NLN: variants seen among roughly 807,000 people sequenced by gnomAD.
The protein encoded by NLN is neurolysin, mitochondrial.
Under a neutral mutation model 79.9 loss-of-function variants are expected in NLN, and 64 were observed. The observed-to-expected ratio is 0.80, with a 90% confidence interval of 0.65 to 0.99. The LOEUF is 0.99. Among genes scored for constraint, NLN ranks in the 50% least tolerant of loss-of-function variants. NLN has a pLI of 0.00. For missense variants in NLN, 835 were observed against 858.7 expected, an observed-to-expected ratio of 0.97 and a Z score of 0.34; for synonymous variants, 267 against 296.6, an observed-to-expected ratio of 0.90 and a Z score of 1.02.
chr5:65,801,748 T>C (rs1188893616), intron 9 of NLN, among the ~76,000 whole-genome samples: 4 of 152,264 alleles, frequency 2.6e-5, no homozygotes, highest in African/African-American at 9.6e-5. Flanking sequence ...TCTTCTCTAC[T>C]CTGCATGACA....
At chr5:65,781,705 G>A (rs929926714) in intron 6 of NLN, among the ~76,000 whole-genome samples, 19 of 152,254 alleles carry the variant, frequency 1.2e-4, no homozygotes, top group African/African-American at 4.3e-4. Flanking sequence ...GGTAAGTCCT[G>A]CTTTAATATG....
rs559293920 is a variant in NLN, at chr5:65,765,317, A to C, written c.450+2209A>C. Among the ~76,000 whole-genome samples the C allele has an allele frequency of 1.1e-3, 165 of 152,338 alleles. 1 individual carries two copies. The highest frequency in any genetic ancestry group is 3.3e-3 in the African/African-American group (139 of 41,584). The stretch of plus-strand genomic sequence containing the variant: ...TGGATCACGGGAGGTCAGAAGTTCA[A>C]GACCAGCCTGGTCAACATGGTGAAA... On this transcript the variant is annotated intron_variant, in intron 3 of 12. Coordinates refer to ENST00000380985, the MANE Select transcript of NLN (RefSeq NM_020726.5).
chr5:65,726,361 T>A (rs1758471534), intron 1 of NLN, among the ~76,000 whole-genome samples: 2 of 152,224 alleles, frequency 1.3e-5, no homozygotes, highest in African/African-American at 4.8e-5. Context: ...ATTTTTAGCC[T>A]GAGTGCATGG....
intron 1 of NLN, among the ~76,000 whole-genome samples, chr5:65,752,750 G>A (rs1291755268): frequency 1.3e-5 from 2 of 152,210 alleles, no homozygotes; most frequent in African/African-American, 4.8e-5. Flanking sequence ...AATGCAGAAA[G>A]AAAGTACTCA....
intron 9 of NLN, among the ~76,000 whole-genome samples, chr5:65,806,382 T>C (rs1760410955): frequency 6.6e-6 from 1 of 152,234 alleles, no homozygotes; most frequent in Admixed American, 6.5e-5. Flanking sequence ...AGAACATGCA[T>C]GATTCATGGG....
At chr5:65,794,326 C>T (rs1760126178) in intron 9 of NLN, among the ~76,000 whole-genome samples, 1 of 152,106 alleles carries the variant, frequency 6.6e-6, no homozygotes, top group African/African-American at 2.4e-5. Flanking sequence ...AAATGCTTCG[C>T]AAGGCTAGGC....
At chr5:65,759,285 C>T (rs569113690) in intron 2 of NLN, among the ~76,000 whole-genome samples, 8 of 152,062 alleles carry the variant, frequency 5.3e-5, no homozygotes, top group African/African-American at 1.7e-4. Context: ...GGATTACAAG[C>T]AGTATTTAAT....
At chr5:65,731,749 T>TTC (rs1758614473) in intron 1 of NLN, among the ~76,000 whole-genome samples, 1 of 108,184 alleles carries the variant, frequency 9.2e-6, no homozygotes, top group Non-Finnish European at 2.0e-5. Flanking sequence ...TTTCTTTTTT[T>TTC]TTTTTTTTTT....
chr5:65,773,127 A>ATTTTTTTTTTTTT lies in NLN; in HGVS notation c.451-4292_451-4280dup, dbSNP rs757202934. On this transcript the variant is annotated intron_variant, in intron 3 of 12. Coordinates refer to ENST00000380985, the MANE Select transcript of NLN (RefSeq NM_020726.5). ...GCCACCACACCCAGCCCTGAATTCT[A>ATTTTTTTTTTTTT]TTTTTTTTTTTTTTTTTTTTCTGCA... Among the ~76,000 whole-genome samples the ATTTTTTTTTTTTT allele has an allele frequency of 2.1e-5, 2 of 96,610 alleles. 1 individual carries two copies. Among genetic ancestry groups the ATTTTTTTTTTTTT allele is most frequent in the African/African-American group, 8.4e-5 (2 of 23,688 alleles). 63.4% of individuals were successfully genotyped at this position (96,610 alleles called of 152,430 possible).
chr5:65,752,904 A>C (rs931509204), intron 1 of NLN, among the ~76,000 whole-genome samples: 1 of 152,240 alleles, frequency 6.6e-6, no homozygotes, highest in Non-Finnish European at 1.5e-5. Context: ...AAAAATTTTA[A>C]TGTATTTAGT....
intron 1 of NLN, among the ~76,000 whole-genome samples, chr5:65,731,370 T>C (rs1257573438): frequency 6.6e-6 from 1 of 152,210 alleles, no homozygotes; most frequent in East Asian, 1.9e-4. Context: ...TTAAGAGACA[T>C]AGACTCATAG....
intron 12 of NLN, among the ~76,000 whole-genome samples, chr5:65,814,557 C>T (rs887170105): frequency 6.6e-6 from 1 of 152,146 alleles, no homozygotes; most frequent in African/African-American, 2.4e-5. Flanking sequence ...GTGATCTTTA[C>T]ATCCTTTGAA....
rs2150736089 is a variant in NLN at position 65,737,729 on chromosome 5, A to G, written c.41+15315A>G. On this transcript the variant is annotated intron_variant, in intron 1 of 12. Transcript: ENST00000380985. ...AGTAGCTGGGTGCAGATTTCTTAAT[A>G]CAAAAACCCGGTTGCCTATGTCTAC... Among the ~76,000 whole-genome samples, 3 of 152,346 alleles carry G rather than the reference A, an allele frequency of 2.0e-5. No homozygotes were observed. In the Middle Eastern group the frequency reaches 0.01, roughly 518 times the overall value.
chr5:65,818,326 T>C, intron 12 of NLN, among the ~76,000 whole-genome samples: 1 of 152,252 alleles, frequency 6.6e-6, no homozygotes, highest in East Asian at 1.9e-4. Context: ...ATTTAATTAA[T>C]GTTTTACATA....
chr5:65,768,889 A>G (rs979098639), intron 3 of NLN, among the ~76,000 whole-genome samples: 1 of 152,260 alleles, frequency 6.6e-6, no homozygotes, highest in Non-Finnish European at 1.5e-5. Context: ...ATTACCTGCC[A>G]AAAGCCTATT....
intron 6 of NLN, among the ~76,000 whole-genome samples, 160 bp downstream of exon 6, chr5:65,781,581 G>T (rs1436406454): frequency 3.3e-5 from 5 of 152,094 alleles, no homozygotes; most frequent in African/African-American, 1.2e-4. Context: ...CTTTTTCATT[G>T]CTCATTGACA....
intron 1 of NLN, among the ~76,000 whole-genome samples, chr5:65,752,209 G>T (rs2150742960): frequency 6.6e-6 from 1 of 151,352 alleles, no homozygotes; most frequent in Admixed American, 6.6e-5. Flanking sequence ...CTGGACTGTA[G>T]CCTGGCTGAG....
chr5:65,772,688 G>A (rs916161977), intron 3 of NLN, among the ~76,000 whole-genome samples: 1 of 149,724 alleles, frequency 6.7e-6, no homozygotes, highest in Non-Finnish European at 1.5e-5. Flanking sequence ...TTGTTTTTTT[G>A]GTTTTGGGGT....
chr5:65,730,851 CT>C (rs1168210462), intron 1 of NLN, among the ~76,000 whole-genome samples: 1 of 152,212 alleles, frequency 6.6e-6, no homozygotes, highest in Admixed American at 6.5e-5. Flanking sequence ...CGTGCCTGGC[CT>C]GTACTCACCT....
Sources: allele counts gnomAD v4.1 joint callset (sites outside exome capture counted in the v4.1 genomes callset), GRCh38; gene constraint gnomAD v4.1.1; transcripts MANE v1.5; gene names NCBI Gene and HGNC (gene_info 2026-07-23, HGNC 2026-07-21).